Variants in CACHD1 observed in about 807,000 individuals in gnomAD.
CACHD1 encodes the protein cache domain containing 1, also known as VWFA and cache domain-containing protein 1.
A neutral mutation model predicts 138.7 loss-of-function variants in CACHD1; 71 were observed. The ratio of observed to expected loss-of-function variants is 0.51; its 90% CI spans 0.42 to 0.62. The LOEUF is 0.62. CACHD1 is among the 20% of genes least tolerant of loss of function. The pLI is 0.00. For missense variants in CACHD1, 1,389 were observed against 1,625.3 expected, an observed-to-expected ratio of 0.85 and a Z score of 2.50; for synonymous variants, 578 against 591.5, an observed-to-expected ratio of 0.98 and a Z score of 0.33.
At chr1:64,559,097 G>A (rs1403560378) in intron 2 of CACHD1, among the ~76,000 whole-genome samples, 2 of 152,198 alleles carry the variant, frequency 1.3e-5, no homozygotes, top group East Asian at 1.9e-4. Context: ...GCGATTCCTC[G>A]AAGAGCTAAA....
intron 1 of CACHD1, among the ~76,000 whole-genome samples, chr1:64,498,115 A>T (rs1347567442): frequency 1.3e-5 from 2 of 152,226 alleles, no homozygotes; most frequent in Non-Finnish European, 2.9e-5. Context: ...TGACAGAGCA[A>T]GACTCTGTTC....
intron 1 of CACHD1, among the ~76,000 whole-genome samples, chr1:64,504,961 T>G (rs1646360829): frequency 6.6e-6 from 1 of 152,228 alleles, no homozygotes; most frequent in South Asian, 2.1e-4. Flanking sequence ...TATATTTTCA[T>G]TTCCATGAAT....
At chr1:64,606,125 A>ACACACACACACACACACG (rs1350191832) in intron 4 of CACHD1, among the ~76,000 whole-genome samples, 1 of 151,766 alleles carries the variant, frequency 6.6e-6, no homozygotes, top group Non-Finnish European at 1.5e-5. Flanking sequence ...ACACACACAC[A>ACACACACACACACACACG]CACACGCACA....
chr1:64,587,191 A>C (rs1391137127), intron 3 of CACHD1, among the ~76,000 whole-genome samples: 1 of 152,216 alleles, frequency 6.6e-6, no homozygotes, highest in African/African-American at 2.4e-5. Flanking sequence ...CTTCTTCTCC[A>C]AATATACTAA....
intron 1 of CACHD1, among the ~76,000 whole-genome samples, chr1:64,483,681 CAAAA>C (rs10537125): frequency 8.6e-5 from 5 of 58,210 alleles, no homozygotes; most frequent in African/African-American, 1.4e-4. Flanking sequence ...CTGTCTCTAC[CAAAA>C]AAAAAAAAAA....
chr1:64,681,551 T>TGTTTTTTTG (rs1447628634), intron 25 of CACHD1, among the ~76,000 whole-genome samples: 21 of 115,002 alleles, frequency 1.8e-4, no homozygotes, highest in East Asian at 1.4e-3. Flanking sequence ...GTTTTTTTTT[T>TGTTTTTTTG]TTTTTTTTTT....
chr1:64,683,990 C>T (rs1557557213), intron 26 of CACHD1, among the ~76,000 whole-genome samples: 1 of 152,170 alleles, frequency 6.6e-6, no homozygotes, highest in Non-Finnish European at 1.5e-5. Flanking sequence ...GATGTATTGG[C>T]ATCTGCTATG....
At chr1:64,488,667 G>C (rs1341596092) in intron 1 of CACHD1, among the ~76,000 whole-genome samples, 1 of 152,120 alleles carries the variant, frequency 6.6e-6, no homozygotes, top group Admixed American at 6.5e-5. Flanking sequence ...GATCAAAATT[G>C]TGTAGATAAA....
rs755219652 is a variant in CACHD1, at chr1:64,671,586, A to C, written c.2410A>C (p.Thr804Pro). The C allele has an allele frequency of 6.2e-6, 10 of 1,613,926 alleles. No homozygotes were observed. The highest frequency in any genetic ancestry group is 8.5e-6 in the Non-Finnish European group (10 of 1,179,944). Residue 804 changes from threonine (T) to proline (P), a missense_variant, in exon 17 of 27, where the codon ACT (threonine) becomes CCT (proline). Around this residue, in one of 5 missense-constraint regions of CACHD1, gnomAD observed 1,000 missense variants for 1,114.7 expected, o/e 0.90. Transcript: ENST00000651257. ...SSSTQLSSGH[T>P]VAVMGIDFTL... is the part of the protein sequence containing the mutation. ...AAGTACACAGCTGTCTTCTGGGCAC[A>C]CTGTGGCTGTGATGGGCATTGACTT...
chr1:64,536,198 C>G (rs1020522467), intron 1 of CACHD1, among the ~76,000 whole-genome samples: 9 of 152,140 alleles, frequency 5.9e-5, no homozygotes, highest in Admixed American at 5.9e-4. Context: ...AGTAGTCCCT[C>G]CCCAAACATA....
At chr1:64,577,209 G>A (rs1435845421) in intron 2 of CACHD1, among the ~76,000 whole-genome samples, 1 of 152,104 alleles carries the variant, frequency 6.6e-6, no homozygotes, top group Non-Finnish European at 1.5e-5. Flanking sequence ...GCCTCCCAAA[G>A]TGTTGGGATT....
At chr1:64,638,595 A>G (rs1367105411) in intron 7 of CACHD1, among the ~76,000 whole-genome samples, 1 of 152,202 alleles carries the variant, frequency 6.6e-6, no homozygotes, top group Non-Finnish European at 1.5e-5. Context: ...ATGAACCTCA[A>G]TTAAAGATGG....
chr1:64,589,046 A>G (rs1284038399), intron 3 of CACHD1, among the ~76,000 whole-genome samples: 2 of 152,230 alleles, frequency 1.3e-5, no homozygotes, highest in Non-Finnish European at 2.9e-5. Flanking sequence ...CTCTGAAGCC[A>G]GCCACCTGGA....
At chr1:64,566,828 A>G (rs1646886643) in intron 2 of CACHD1, among the ~76,000 whole-genome samples, 1 of 152,068 alleles carries the variant, frequency 6.6e-6, no homozygotes, top group Non-Finnish European at 1.5e-5. Flanking sequence ...AGTTTGGAAG[A>G]GGCAAGAAAA....
chr1:64,474,734 G>A (rs1027083568), intron 1 of CACHD1, among the ~76,000 whole-genome samples: 2 of 152,258 alleles, frequency 1.3e-5, no homozygotes, highest in African/African-American at 4.8e-5. Flanking sequence ...GGCTCTGGGA[G>A]CCATTTCGCC....
At chr1:64,547,464 C>T (rs541970337) in intron 1 of CACHD1, among the ~76,000 whole-genome samples, 5 of 152,278 alleles carry the variant, frequency 3.3e-5, no homozygotes, top group African/African-American at 1.2e-4. Context: ...CTCCTGGGTT[C>T]GAGCAATTCT....
At chr1:64,616,128 A>G (rs1443279822) in intron 4 of CACHD1, among the ~76,000 whole-genome samples, 1 of 152,158 alleles carries the variant, frequency 6.6e-6, no homozygotes, top group Non-Finnish European at 1.5e-5. Flanking sequence ...AACTCTTTGT[A>G]TCTAAAACCA....
chr1:64,663,121 C>T (rs2100700885), intron 13 of CACHD1, among the ~76,000 whole-genome samples: 1 of 152,318 alleles, frequency 6.6e-6, no homozygotes, highest in East Asian at 1.9e-4. Flanking sequence ...TCCCCTCATT[C>T]CTCATAAGAT....
chr1:64,671,785 A>G (rs1351633576), intron 17 of CACHD1, 99 bp downstream of exon 17: 2 of 1,435,726 alleles, frequency 1.4e-6, no homozygotes, highest in East Asian at 4.6e-5. Context: ...ATGGTCAGGA[A>G]TAGAAATCTA....
Sources: allele counts gnomAD v4.1 joint callset (sites outside exome capture counted in the v4.1 genomes callset), GRCh38; gene constraint gnomAD v4.1.1; regional missense constraint gnomAD v4.1.1; transcripts MANE v1.5; gene names NCBI Gene and HGNC (gene_info 2026-07-23, HGNC 2026-07-21).